KATNAL1: variants seen among roughly 807,000 people sequenced by gnomAD.
KATNAL1 encodes the protein katanin catalytic subunit A1 like 1.
In KATNAL1, 32 loss-of-function variants were observed where a neutral mutation model predicts 55.2. The observed-to-expected ratio is 0.58, with a 90% CI of 0.44 to 0.78. The LOEUF (loss-of-function observed/expected upper bound fraction) is 0.78, where lower values mean the gene tolerates loss of function less well. Ranked by LOEUF, KATNAL1 falls within the 30% of genes least tolerant of loss-of-function variation. The pLI is 0.00. For missense variants in KATNAL1, 466 were observed against 600.9 expected (o/e 0.78, Z 2.35); for synonymous variants, 193 against 193.6 (o/e 1.00, Z 0.02).
At position 30,207,186 on chromosome 13, in the gene KATNAL1, G is replaced by A. The variant is rs1055844303; in HGVS notation, c.*1354C>T. 6 of 152,318 alleles carry A rather than the reference G, an allele frequency of 3.9e-5. No individual in the cohort carries two copies. In the East Asian group the frequency reaches 1.2e-3, roughly 29 times the overall value. 9.4% of individuals were successfully genotyped at this position (152,318 alleles called of 1,614,324 possible). The stretch of plus-strand genomic sequence containing the variant: ...AATTTTTAAAAGCTTGACCATTAAA[G>A]CATAAATTGCCTAATGAGACACATG... On this transcript the variant is annotated 3_prime_UTR_variant, in exon 11 of 11. Coordinates refer to ENST00000380615, the MANE Select transcript of KATNAL1 (RefSeq NM_032116.5).
chr13:30,288,314 T>C (rs1471057091), intron 1 of KATNAL1, among the ~76,000 whole-genome samples: 1 of 152,160 alleles, frequency 6.6e-6, no homozygotes, highest in African/African-American at 2.4e-5. Flanking sequence ...AGATTAATCA[T>C]TCCAATTAAA....
In KATNAL1 at chr13:30,240,578, A is replaced by G. The variant is rs754880983; in HGVS notation, c.621-13T>C. 1 of 1,562,858 alleles carries G rather than the reference A, an allele frequency of 6.4e-7. No homozygotes were observed. The highest frequency in any genetic ancestry group is 8.8e-7 in the Non-Finnish European group (1 of 1,134,390). ...TGCTATGTCATCCCTTTGAAAGAAC[A>G]GCAAACTTTCATAATGTTTACTCAG... On this transcript the variant is annotated splice_polypyrimidine_tract_variant and intron_variant, in intron 5 of 10. Coordinates refer to ENST00000380615, the MANE Select transcript of KATNAL1 (RefSeq NM_032116.5).
rs201660763 is a variant in KATNAL1, at chr13:30,255,620, C to A, written c.324-5G>T. ...CGCCTGATCTGAGGTGGAGCTCTGA[C>A]AAAAAAAAAAAAAAAAAAATTAAAA... On this transcript the variant is annotated splice_region_variant and splice_polypyrimidine_tract_variant and intron_variant, in intron 3 of 10. Transcript: ENST00000380615. The A allele has an allele frequency of 1.1e-3, 1,159 of 1,083,300 alleles. No individual in the cohort carries two copies. Among genetic ancestry groups the A allele is most frequent in the South Asian group, 6.4e-3 (173 of 27,240 alleles). 67.1% of individuals were successfully genotyped at this position (1,083,300 alleles called of 1,614,324 possible). A position where few individuals can be genotyped will look rare whatever the true frequency, so the allele number is the denominator to read the frequency against.
rs1876013258 is a variant in KATNAL1 at position 30,230,680 on chromosome 13, AAG to A, written c.886-88_886-87del. On this transcript the variant is annotated intron_variant, in intron 7 of 10. Coordinates refer to ENST00000380615, the MANE Select transcript of KATNAL1 (RefSeq NM_032116.5). ...AAAAAATCTTTTAAAACAATGGCAA[AAG>A]AGAGCAGAAACTTCTCACTGTTTTA... 5 of 980,510 alleles carry A rather than the reference AAG, an allele frequency of 5.1e-6. No homozygotes were observed. The Admixed American group carries it at 1.1e-4, about 21-fold the overall frequency. The allele number at this position is 980,510 out of a possible 1,614,324, so 60.7% of individuals were successfully genotyped here. A position where few individuals can be genotyped will look rare whatever the true frequency, so the allele number is the denominator to read the frequency against.
At chr13:30,296,520 G>T (rs1027691289) in intron 1 of KATNAL1, 6 of 734,966 alleles carry the variant, frequency 8.2e-6, no homozygotes, top group African/African-American at 7.0e-5. Context: ...TGCCTACTGG[G>T]GCCTCTTTAT....
At chr13:30,217,293 A>C (rs1874383505) in intron 9 of KATNAL1, among the ~76,000 whole-genome samples, 1 of 152,150 alleles carries the variant, frequency 6.6e-6, no homozygotes. Context: ...TCTACTAAAA[A>C]TACAAAAAAA....
At chr13:30,260,743 A>T (rs1879214046) in intron 3 of KATNAL1, among the ~76,000 whole-genome samples, 1 of 148,926 alleles carries the variant, frequency 6.7e-6, no homozygotes, top group African/African-American at 2.4e-5. Flanking sequence ...TCTACATCTG[A>T]TTTGTGTACC....
intron 9 of KATNAL1, among the ~76,000 whole-genome samples, chr13:30,224,124 A>G (rs78343893): frequency 0.06 from 9,110 of 152,308 alleles, 342 homozygotes; most frequent in Admixed American, 0.085. Flanking sequence ...AAAGGGGATA[A>G]AAAAGGAAAA....
intron 10 of KATNAL1, 35 bp from the exon 11 acceptor site, chr13:30,208,773 T>C (rs750416579): frequency 8.3e-6 from 12 of 1,452,756 alleles, no homozygotes; most frequent in Non-Finnish European, 1.0e-5. Flanking sequence ...ACAGTAATTT[T>C]TGCACATGTT....
intron 3 of KATNAL1, among the ~76,000 whole-genome samples, chr13:30,263,288 C>T (rs1305958132): frequency 6.6e-6 from 1 of 152,158 alleles, no homozygotes; most frequent in Non-Finnish European, 1.5e-5. Context: ...AAACTGGAAG[C>T]ATTCCCTTTG....
rs1172837428 is a variant in KATNAL1, at chr13:30,255,469, C to G, written c.470G>C (p.Arg157Thr). 6 of 1,583,436 alleles carry G rather than the reference C, an allele frequency of 3.8e-6. No homozygotes were observed. Among genetic ancestry groups the G allele is most frequent in the African/African-American group, 1.4e-5 (1 of 72,898 alleles). Residue 157 changes from arginine to threonine, a missense_variant, in exon 4 of 11, where the codon AGA becomes ACA. Physicochemically the swap from Arg to Thr is moderately conservative, Grantham distance 71. Around this residue, in one of 3 missense-constraint regions of KATNAL1, gnomAD observed 248 missense variants for 275.5 expected, o/e 0.90. Transcript: ENST00000380615. ...TGCCTTGTCATCTCTCCCTCTTGCT[C>G]TATAGTCCTTGTCCCTACTTGTAGA... Reference protein sequence around the residue: ...KPSTSRDKDYRARGRDDKGRK... With the variant: ...KPSTSRDKDYTARGRDDKGRK...
chr13:30,267,895 G>A (rs184264597), intron 3 of KATNAL1, among the ~76,000 whole-genome samples: 9 of 152,282 alleles, frequency 5.9e-5, no homozygotes, highest in South Asian at 2.1e-4. Context: ...AGACAGGGTC[G>A]TAGCCCCACA....
At chr13:30,262,154 T>C (rs1239093309) in intron 3 of KATNAL1, among the ~76,000 whole-genome samples, 1 of 151,478 alleles carries the variant, frequency 6.6e-6, no homozygotes, top group Admixed American at 6.6e-5. Context: ...GAAATAAAGA[T>C]GTTCTTTGAA....
intron 9 of KATNAL1, among the ~76,000 whole-genome samples, chr13:30,223,473 C>T (rs1179845695): frequency 7.0e-6 from 1 of 143,244 alleles, no homozygotes; most frequent in Non-Finnish European, 1.5e-5. Context: ...AAAAACTGCA[C>T]CGTAAATATA....
chr13:30,297,970 T>C (rs1882624699), intron 1 of KATNAL1, among the ~76,000 whole-genome samples: 1 of 152,180 alleles, frequency 6.6e-6, no homozygotes, highest in Admixed American at 6.5e-5. Flanking sequence ...CATCATGCAA[T>C]ATACCCATGT....
Position 30,210,396 on chromosome 13 carries a change from T to C in KATNAL1, c.1194A>G (p.Glu398=), listed in dbSNP as rs780668122. Residue 398 remains glutamate, a synonymous_variant, in exon 10 of 11, where the codon GAA becomes GAG. Transcript: ENST00000380615. The part of the protein sequence containing the change: ...ELLKINLREV[E]LDPDIQLEDI... ...CTTCCAGTTGAATATCAGGATCTAA[T>C]TCGACCTCACGAAGGTTGATCTTCA... is the stretch of plus-strand genomic sequence containing the variant. 1.2e-5 allele frequency: 19 copies of C among 1,607,286 alleles called. No homozygotes were observed. The highest frequency in any genetic ancestry group is 1.6e-5 in the Non-Finnish European group (19 of 1,177,268).
At chr13:30,213,982 T>C (rs539482439) in intron 9 of KATNAL1, among the ~76,000 whole-genome samples, 4 of 152,274 alleles carry the variant, frequency 2.6e-5, no homozygotes, top group African/African-American at 9.6e-5. Context: ...GGAAGTCAAA[T>C]TGTCCCTGTT....
intron 9 of KATNAL1, among the ~76,000 whole-genome samples, chr13:30,225,525 A>G (rs913101558): frequency 6.6e-6 from 1 of 152,182 alleles, no homozygotes; most frequent in South Asian, 2.1e-4. Context: ...TCAGAAATAG[A>G]CCCACACATA....
At chr13:30,251,160 T>A (rs908465531) in intron 4 of KATNAL1, among the ~76,000 whole-genome samples, 33 of 134,376 alleles carry the variant, frequency 2.5e-4, no homozygotes, top group Admixed American at 5.4e-4. Context: ...AAAAAAAAAA[T>A]ACTTGAGAAT....
Sources: gnomAD v4.1 joint callset for allele counts (sites outside exome capture counted in the v4.1 genomes callset) on GRCh38, gnomAD v4.1.1 for gene constraint, gnomAD v4.1.1 regional missense constraint, MANE v1.5 for transcripts, NCBI Gene and HGNC (gene_info 2026-07-23, HGNC 2026-07-21) for gene names.